Variants in MCTP1 observed in about 807,000 individuals in gnomAD.
MCTP1 encodes multiple C2 and transmembrane domain-containing protein 1.
In MCTP1, 69 loss-of-function variants were observed where a neutral mutation model predicts 120.6. That is an observed-to-expected ratio of 0.57 (90% CI 0.47 to 0.70). The LOEUF is 0.70. MCTP1 is among the 30% of genes least tolerant of loss of function. The pLI, the probability that MCTP1 is intolerant of heterozygous loss-of-function variation, is 0.00. For synonymous variants in MCTP1, 529 were observed against 493.1 expected, an observed-to-expected ratio of 1.07 and a Z score of -0.96; for missense variants, 1,203 against 1,248.8, an observed-to-expected ratio of 0.96 and a Z score of 0.55.
At chr5:94,864,154 G>A (rs950071347) in intron 17 of MCTP1, among the ~76,000 whole-genome samples, 12 of 151,850 alleles carry the variant, frequency 7.9e-5, no homozygotes, top group African/African-American at 2.9e-4. Context: ...AATCTCAGTA[G>A]GAAACCTGCC....
chr5:94,715,769 T>C (rs781465852), intron 19 of MCTP1, among the ~76,000 whole-genome samples: 7 of 152,348 alleles, frequency 4.6e-5, no homozygotes, highest in Non-Finnish European at 8.8e-5. Context: ...CTAGGCTGTT[T>C]AGTGGAGACC....
chr5:94,817,516 A>G (rs904377173), intron 17 of MCTP1, among the ~76,000 whole-genome samples: 1 of 152,162 alleles, frequency 6.6e-6, no homozygotes, highest in Non-Finnish European at 1.5e-5. Flanking sequence ...TCTTTTTGAC[A>G]ATTACAAGGG....
At chr5:95,151,784 G>C (rs1760917051) in intron 1 of MCTP1, among the ~76,000 whole-genome samples, 1 of 152,152 alleles carries the variant, frequency 6.6e-6, no homozygotes, top group Non-Finnish European at 1.5e-5. Flanking sequence ...CAGGCCAGCA[G>C]TGGTCTCTTA....
intron 17 of MCTP1, among the ~76,000 whole-genome samples, chr5:94,825,200 A>C (rs959214012): frequency 5.3e-5 from 8 of 152,182 alleles, no homozygotes; most frequent in Non-Finnish European, 1.2e-4. Context: ...CCCTCTAAAC[A>C]CTGCTTTAGC....
intron 17 of MCTP1, 59 bp from the exon 18 acceptor site, chr5:94,799,191 C>T: frequency 6.6e-7 from 1 of 1,510,398 alleles, no homozygotes; most frequent in Non-Finnish European, 9.0e-7. Context: ...ATTAAATGGA[C>T]TCTTATTTAT....
intron 1 of MCTP1, among the ~76,000 whole-genome samples, chr5:95,211,697 G>A (rs568295377): frequency 4.4e-4 from 67 of 152,324 alleles, no homozygotes; most frequent in African/African-American, 1.3e-3. Flanking sequence ...TCTCCGTCCA[G>A]CTTTGTCCCA....
chr5:95,167,760 G>C (rs187820456), intron 1 of MCTP1, among the ~76,000 whole-genome samples: 167 of 151,298 alleles, frequency 1.1e-3, no homozygotes, highest in African/African-American at 3.9e-3. Context: ...GGGGTTGTTT[G>C]TTTTTTCTTG....
At chr5:95,136,133 A>T (rs1759430103) in intron 1 of MCTP1, among the ~76,000 whole-genome samples, 2 of 152,268 alleles carry the variant, frequency 1.3e-5, no homozygotes, top group Non-Finnish European at 2.9e-5. Flanking sequence ...ATGTCTTGGT[A>T]ATCATTATTT....
At chr5:95,269,403 TG>T (rs1448487913) in intron 1 of MCTP1, among the ~76,000 whole-genome samples, 24 of 152,364 alleles carry the variant, frequency 1.6e-4, no homozygotes, top group African/African-American at 5.1e-4. Flanking sequence ...TTTAACAACA[TG>T]ATTTGAAGTC....
At chr5:95,280,774 A>G (rs1760252111) in intron 1 of MCTP1, among the ~76,000 whole-genome samples, 1 of 152,248 alleles carries the variant, frequency 6.6e-6, no homozygotes. Flanking sequence ...CACAATAGCA[A>G]GAGGACCAGC....
intron 1 of MCTP1, among the ~76,000 whole-genome samples, chr5:95,102,508 A>G (rs938677370): frequency 3.9e-5 from 6 of 152,254 alleles, no homozygotes; most frequent in African/African-American, 1.4e-4. Context: ...TGATTACCAC[A>G]GTACCAGGCA....
intron 1 of MCTP1, among the ~76,000 whole-genome samples, chr5:95,126,760 G>A (rs1758662323): frequency 6.6e-6 from 1 of 152,098 alleles, no homozygotes; most frequent in Non-Finnish European, 1.5e-5. Context: ...TTAATATACA[G>A]TATGTGAAGC....
intron 1 of MCTP1, among the ~76,000 whole-genome samples, chr5:95,065,119 A>G (rs1051919945): frequency 1.3e-5 from 2 of 152,148 alleles, no homozygotes; most frequent in African/African-American, 2.4e-5. Flanking sequence ...AAGAATAATT[A>G]GAAAACTTGA....
chr5:95,003,791 T>C (rs890881026), intron 2 of MCTP1, among the ~76,000 whole-genome samples: 2 of 152,194 alleles, frequency 1.3e-5, no homozygotes, highest in African/African-American at 4.8e-5. Context: ...TTACCCAGTC[T>C]CAGGTATGTC....
At chr5:94,889,430 T>C (rs2153385977) in intron 11 of MCTP1, among the ~76,000 whole-genome samples, 1 of 151,736 alleles carries the variant, frequency 6.6e-6, no homozygotes, top group Non-Finnish European at 1.5e-5. Context: ...CTACCAAAAA[T>C]ACAAAAAAAA....
At chr5:95,208,901 C>T (rs1174002662) in intron 1 of MCTP1, among the ~76,000 whole-genome samples, 2 of 152,044 alleles carry the variant, frequency 1.3e-5, no homozygotes, top group Non-Finnish European at 2.9e-5. Flanking sequence ...CTATACCATC[C>T]AACACTATTT....
At chr5:94,953,022 T>C (rs1157245138) in intron 3 of MCTP1, among the ~76,000 whole-genome samples, 197 bp downstream of exon 3, 1 of 151,694 alleles carries the variant, frequency 6.6e-6, no homozygotes, top group Non-Finnish European at 1.5e-5. Flanking sequence ...GCAAGAGAAC[T>C]GTCCTGGAGA....
chr5:95,073,475 C>A (rs931897781), intron 1 of MCTP1, among the ~76,000 whole-genome samples: 1 of 152,190 alleles, frequency 6.6e-6, no homozygotes, highest in Non-Finnish European at 1.5e-5. Flanking sequence ...GGGGAAGTAA[C>A]TGACTGCACC....
chr5:95,221,982 T>C (rs1753746136), intron 1 of MCTP1, among the ~76,000 whole-genome samples: 1 of 152,252 alleles, frequency 6.6e-6, no homozygotes, highest in Non-Finnish European at 1.5e-5. Context: ...AACACTTTTA[T>C]GTATCTGTCA....
Sources: allele counts gnomAD v4.1 joint callset (sites outside exome capture counted in the v4.1 genomes callset), GRCh38; gene constraint gnomAD v4.1.1; transcripts MANE v1.5; gene names NCBI Gene and HGNC (gene_info 2026-07-23, HGNC 2026-07-21).